The following KCNH7 variants were observed in gnomAD, a reference collection of about 807,000 sequenced individuals.
KCNH7 encodes the protein potassium voltage-gated channel subfamily H member 7, also known as voltage-gated inwardly rectifying potassium channel KCNH7.
Under a neutral mutation model 120.8 loss-of-function variants are expected in KCNH7, and 49 were observed. The ratio of observed to expected loss-of-function variants is 0.41; its 90% CI spans 0.32 to 0.51. The LOEUF (loss-of-function observed/expected upper bound fraction) is 0.51, where lower values mean the gene tolerates loss of function less well. KCNH7 is among the 20% of genes least tolerant of loss of function. The pLI is 0.38. For synonymous variants in KCNH7, 547 were observed against 516.1 expected (o/e 1.06, Z -0.81); for missense variants, 1,097 against 1,446.6 (o/e 0.76, Z 3.92).
At chr2:162,410,002 G>A (rs1339747878) in intron 9 of KCNH7, among the ~76,000 whole-genome samples, 3 of 151,782 alleles carry the variant, frequency 2.0e-5, no homozygotes, top group Non-Finnish European at 4.4e-5. Flanking sequence ...ATGACCACAC[G>A]GCCCAAAGCA....
intron 9 of KCNH7, among the ~76,000 whole-genome samples, chr2:162,403,000 T>C (rs1201789282): frequency 6.6e-6 from 1 of 151,954 alleles, no homozygotes; most frequent in African/African-American, 2.4e-5. Flanking sequence ...ACTTAACTTC[T>C]CTGAAAATCA....
rs78892930 is a variant in KCNH7, at chr2:162,515,879, A to G, written c.892+1851T>C. Among the ~76,000 whole-genome samples, 628 of 151,812 alleles carry G rather than the reference A, an allele frequency of 4.1e-3. 18 individuals carry two copies. In the East Asian group the frequency reaches 0.09, roughly 22 times the overall value. On this transcript the variant is annotated intron_variant, in intron 4 of 15. Coordinates refer to ENST00000332142, the MANE Select transcript of KCNH7 (RefSeq NM_033272.4). ...TGAGCTATTGATTTATCTTTCTTTG[A>G]ACTTCTTCCTGCCAACTCTTCCTTT...
Position 162,384,795 on chromosome 2 carries a change from A to C in KCNH7, c.2855T>G (p.Ile952Arg). 6.2e-7 allele frequency: 1 copy of C among 1,612,908 alleles called. No individual in the cohort carries two copies. Among genetic ancestry groups the C allele is most frequent in the Non-Finnish European group, 8.5e-7 (1 of 1,179,166 alleles). ...DDEQKPLFSG[I>R]VDSSPGIGKA... ...CCCTATTCCTGGAGAAGAGTCTACTATTCCTGAGAAGAGCGGCTTTTGTTC... is the reference window on the plus strand; with the variant it reads ...CCCTATTCCTGGAGAAGAGTCTACTCTTCCTGAGAAGAGCGGCTTTTGTTC... Residue 952 changes from isoleucine to arginine, a missense_variant, in exon 13 of 16, where the codon ATA (isoleucine) becomes AGA (arginine). Around this residue, in one of 8 missense-constraint regions of KCNH7, gnomAD observed 406 missense variants for 410.5 expected, o/e 0.99. Coordinates refer to ENST00000332142, the MANE Select transcript of KCNH7 (RefSeq NM_033272.4).
chr2:162,681,802 G>A (rs911435525), intron 2 of KCNH7, among the ~76,000 whole-genome samples: 4 of 148,448 alleles, frequency 2.7e-5, no homozygotes, highest in African/African-American at 1.0e-4. Flanking sequence ...CAAGACTTGG[G>A]GTCTGTGATT....
At chr2:162,648,028 G>C (rs969238646) in intron 2 of KCNH7, among the ~76,000 whole-genome samples, 1 of 152,098 alleles carries the variant, frequency 6.6e-6, no homozygotes, top group Non-Finnish European at 1.5e-5. Flanking sequence ...GAAGTGATTG[G>C]TAAATGCTAC....
chr2:162,412,453 A>T (rs1005653548), intron 9 of KCNH7, among the ~76,000 whole-genome samples: 14 of 152,122 alleles, frequency 9.2e-5, no homozygotes, highest in African/African-American at 3.1e-4. Context: ...TGACAACTTA[A>T]TATTTAAATA....
At chr2:162,583,729 G>A (rs1316587818) in intron 2 of KCNH7, among the ~76,000 whole-genome samples, 2 of 152,032 alleles carry the variant, frequency 1.3e-5, no homozygotes, top group Admixed American at 6.5e-5. Flanking sequence ...ATGGAAATGA[G>A]TAACAGTATT....
chr2:162,704,822 C>A lies in KCNH7; in HGVS notation c.307+131715G>T, dbSNP rs184411269. On this transcript the variant is annotated intron_variant, in intron 2 of 15. Transcript: ENST00000332142. Reference sequence around the variant, plus strand: ...CAGTGTATGCAAAGACATCAGAAACCTACATGAATGTTTTTTCCCTGCCTT... The same window carrying A: ...CAGTGTATGCAAAGACATCAGAAACATACATGAATGTTTTTTCCCTGCCTT... Among the ~76,000 whole-genome samples the A allele has an allele frequency of 1.5e-3, 235 of 152,204 alleles. 1 individual carries two copies. Among genetic ancestry groups the A allele is most frequent in the African/African-American group, 5.4e-3 (226 of 41,528 alleles).
chr2:162,535,265 T>C (rs1479973566), intron 3 of KCNH7, among the ~76,000 whole-genome samples: 3 of 151,704 alleles, frequency 2.0e-5, no homozygotes, highest in African/African-American at 7.2e-5. Flanking sequence ...AACTATGAGA[T>C]GTACAAGATT....
At chr2:162,695,722 G>A (rs904032893) in intron 2 of KCNH7, among the ~76,000 whole-genome samples, 7 of 152,248 alleles carry the variant, frequency 4.6e-5, no homozygotes, top group East Asian at 3.9e-4. Context: ...GGGCAGCAGC[G>A]GTTTAGGCCC....
chr2:162,826,242 A>G (rs1466649471), intron 2 of KCNH7, among the ~76,000 whole-genome samples: 2 of 152,146 alleles, frequency 1.3e-5, no homozygotes, highest in Admixed American at 6.6e-5. Context: ...GCAAGGTTTT[A>G]TAAGTATTTT....
rs917756783 is a variant in KCNH7 at position 162,744,312 on chromosome 2, T to C, written c.307+92225A>G. Among the ~76,000 whole-genome samples the C allele has an allele frequency of 4.6e-5, 7 of 152,198 alleles. 1 individual carries two copies. Among genetic ancestry groups the C allele is most frequent in the Non-Finnish European group, 1.0e-4 (7 of 68,018 alleles). On this transcript the variant is annotated intron_variant, in intron 2 of 15. Coordinates refer to ENST00000332142, the MANE Select transcript of KCNH7 (RefSeq NM_033272.4). ...TAGCATTTTTATTGTATGAAACAAA[T>C]GTTAATTTTTGATAATTTCTCCAAA...
Position 162,811,684 on chromosome 2 carries a change from A to C in KCNH7, c.307+24853T>G, listed in dbSNP as rs1684737550. Among the ~76,000 whole-genome samples the C allele has an allele frequency of 3.3e-5, 5 of 152,318 alleles. No individual in the cohort carries two copies. The South Asian group carries it at 1.0e-3, about 32-fold the overall frequency. On this transcript the variant is annotated intron_variant, in intron 2 of 15. Transcript: ENST00000332142. ...AATTTACTATTACAAAACCATTTCA[A>C]AATCAGCAGAGGATTAGGGGTCATC...
At chr2:162,495,651 C>T (rs1407666065) in intron 6 of KCNH7, among the ~76,000 whole-genome samples, 1 of 152,152 alleles carries the variant, frequency 6.6e-6, no homozygotes, top group Non-Finnish European at 1.5e-5. Flanking sequence ...CAAAACTTAA[C>T]ATACACTTGT....
intron 9 of KCNH7, among the ~76,000 whole-genome samples, chr2:162,412,292 C>G (rs1234760922): frequency 6.6e-6 from 1 of 151,836 alleles, no homozygotes; most frequent in Admixed American, 6.6e-5. Flanking sequence ...ATGATAAAAT[C>G]TTATTGAACT....
chr2:162,393,898 G>T (rs975274727), intron 12 of KCNH7, among the ~76,000 whole-genome samples: 8 of 151,910 alleles, frequency 5.3e-5, no homozygotes, highest in Admixed American at 4.6e-4. Context: ...AATGTTAAAT[G>T]AATATTTGTT....
intron 10 of KCNH7, 129 bp from the exon 11 acceptor site, chr2:162,397,074 C>A: frequency 1.5e-6 from 1 of 649,274 alleles, no homozygotes; most frequent in Admixed American, 2.8e-5. Flanking sequence ...AATGTTCCAG[C>A]ACCTTAACTA....
intron 2 of KCNH7, among the ~76,000 whole-genome samples, chr2:162,604,799 T>G (rs768644774): frequency 3.3e-5 from 5 of 152,042 alleles, no homozygotes; most frequent in African/African-American, 4.8e-5. Flanking sequence ...TACTAAGGCC[T>G]TAGCTGACAT....
chr2:162,801,258 G>C (rs1684337175), intron 2 of KCNH7, among the ~76,000 whole-genome samples: 1 of 102,478 alleles, frequency 9.8e-6, no homozygotes, highest in Non-Finnish European at 2.0e-5. Context: ...AAAAAGACAA[G>C]CTTTTTCAAG....
Sources: gnomAD v4.1 joint callset for allele counts (sites outside exome capture counted in the v4.1 genomes callset) on GRCh38, gnomAD v4.1.1 for gene constraint, gnomAD v4.1.1 regional missense constraint, MANE v1.5 for transcripts, NCBI Gene and HGNC (gene_info 2026-07-23, HGNC 2026-07-21) for gene names.